RALGPS1: variants seen among roughly 807,000 people sequenced by gnomAD.
The protein encoded by RALGPS1 is ras-specific guanine nucleotide-releasing factor RalGPS1.
Under a neutral mutation model 78.8 loss-of-function variants are expected in RALGPS1, and 19 were observed. The observed-to-expected ratio is 0.24, with a 90% CI of 0.17 to 0.35. The LOEUF is 0.35. Ranked by LOEUF, RALGPS1 falls within the 10% of genes least tolerant of loss-of-function variation. The pLI, the probability that RALGPS1 is intolerant of heterozygous loss-of-function variation, is 1.00. For missense variants in RALGPS1, 454 were observed against 688.3 expected, an observed-to-expected ratio of 0.66 and a Z score of 3.81; for synonymous variants, 228 against 256.3, an observed-to-expected ratio of 0.89 and a Z score of 1.06.
At chr9:127,074,458 T>C (rs1053073939) in intron 8 of RALGPS1, among the ~76,000 whole-genome samples, 1 of 152,208 alleles carries the variant, frequency 6.6e-6, no homozygotes, top group African/African-American at 2.4e-5. Flanking sequence ...GGCATGTTGC[T>C]GTGCAGAGCT....
chr9:126,944,381 A>G (rs1169146358), intron 1 of RALGPS1, among the ~76,000 whole-genome samples: 1 of 151,086 alleles, frequency 6.6e-6, no homozygotes, highest in African/African-American at 2.4e-5. Context: ...AGGGAGGGAA[A>G]AGGAGGTCAA....
chr9:126,918,147 A>C (rs949673760), intron 1 of RALGPS1, among the ~76,000 whole-genome samples: 2 of 152,206 alleles, frequency 1.3e-5, no homozygotes, highest in African/African-American at 4.8e-5. Flanking sequence ...TTATTGCACA[A>C]AAATATTGTA....
At chr9:127,206,672 A>G (rs1013582156) in intron 14 of RALGPS1, among the ~76,000 whole-genome samples, 6 of 152,102 alleles carry the variant, frequency 3.9e-5, no homozygotes, top group African/African-American at 1.4e-4. Flanking sequence ...TACTTCTACT[A>G]AGACCAAGAT....
Position 127,205,034 on chromosome 9 carries a change from G to A in RALGPS1, c.1247+5968G>A, listed in dbSNP as rs539402984. Among the ~76,000 whole-genome samples the A allele has an allele frequency of 2.6e-5, 4 of 152,326 alleles. No homozygotes were observed. Among genetic ancestry groups the A allele is most frequent in the South Asian group, 4.1e-4 (2 of 4,824 alleles). On this transcript the variant is annotated intron_variant, in intron 14 of 18. Transcript: ENST00000259351. This position sits in a 1 kb window ranked among gnomAD's most constrained non-coding sequence, Gnocchi z 4.0. ...AGTGGCCATTCTCAGGGTGACTACCGCAGAGGACCTCACTGTCCCCCACAC... is the reference window on the plus strand; with the variant it reads ...AGTGGCCATTCTCAGGGTGACTACCACAGAGGACCTCACTGTCCCCCACAC...
chr9:127,156,270 A>C (rs916432472), intron 8 of RALGPS1, among the ~76,000 whole-genome samples: 49 of 152,216 alleles, frequency 3.2e-4, no homozygotes, highest in African/African-American at 7.2e-4. Flanking sequence ...TTGTAGTAGT[A>C]TTGCTGCAAT....
At chr9:127,119,839 G>A (rs2055858424) in intron 8 of RALGPS1, among the ~76,000 whole-genome samples, 1 of 152,218 alleles carries the variant, frequency 6.6e-6, no homozygotes. Context: ...AAGTCAGTCA[G>A]AGCCTCTGCT....
In RALGPS1 at chr9:127,183,288, TC is replaced by T. The variant is rs1201592287; in HGVS notation, c.910+8508del. 6.6e-6 allele frequency among the ~76,000 whole-genome samples: 1 copy of T among 152,186 alleles called. No homozygotes were observed. The highest frequency in any genetic ancestry group is 1.5e-5 in the Non-Finnish European group (1 of 68,030). On this transcript the variant is annotated intron_variant, in intron 11 of 18. Transcript: ENST00000259351. The surrounding 1 kb of genome is among the most constrained non-coding windows in gnomAD (Gnocchi z 4.0). ...GCTGATGCTTCTTCTCCCAGGCACTTCCGTGGGTATTTCAGAGATTCCACAA... is the reference window on the plus strand; with the variant it reads ...GCTGATGCTTCTTCTCCCAGGCACTTCGTGGGTATTTCAGAGATTCCACAA...
At chr9:127,200,114 CCT>C (rs2061555894) in intron 14 of RALGPS1, among the ~76,000 whole-genome samples, 1 of 152,022 alleles carries the variant, frequency 6.6e-6, no homozygotes, top group African/African-American at 2.4e-5. Flanking sequence ...ATGCATGTAC[CCT>C]CTCACACATT....
chr9:127,167,591 C>A (rs1227819873), intron 9 of RALGPS1, among the ~76,000 whole-genome samples: 3 of 152,198 alleles, frequency 2.0e-5, no homozygotes, highest in Non-Finnish European at 4.4e-5. Context: ...TGCTCTCTTA[C>A]CACTGTTCAC....
At chr9:127,128,359 G>T (rs553685979) in intron 8 of RALGPS1, among the ~76,000 whole-genome samples, 6 of 152,372 alleles carry the variant, frequency 3.9e-5, no homozygotes, top group African/African-American at 1.4e-4. Flanking sequence ...GACCAATCAA[G>T]ATGCTTCTCA....
At position 127,091,880 on chromosome 9, in the gene RALGPS1, T is replaced by TC; in HGVS notation, c.610+22525dup. On this transcript the variant is annotated intron_variant, in intron 8 of 18. Transcript: ENST00000259351. This position sits in a 1 kb window ranked among gnomAD's most constrained non-coding sequence, Gnocchi z 4.3. ...AGGAGTTTGTAGTTGCCTTGGTTCG[T>TC]CAGCCAGTAAATGTTCTCCAGGCCC... 1 of 1,614,030 alleles carries TC rather than the reference T, an allele frequency of 6.2e-7. No homozygotes were observed. The highest frequency in any genetic ancestry group is 8.5e-7 in the Non-Finnish European group (1 of 1,180,006).
At chr9:127,132,283 G>A (rs1308254654) in intron 8 of RALGPS1, among the ~76,000 whole-genome samples, 3 of 152,054 alleles carry the variant, frequency 2.0e-5, no homozygotes, top group African/African-American at 4.8e-5. Flanking sequence ...TCATTAACAC[G>A]TCCCTGATTT....
At chr9:127,163,335 G>A (rs1274724422) in intron 8 of RALGPS1, among the ~76,000 whole-genome samples, 1 of 152,126 alleles carries the variant, frequency 6.6e-6, no homozygotes, top group Admixed American at 6.5e-5. Context: ...CTAAAACTGA[G>A]TTACATTTTT....
At chr9:126,973,212 T>G (rs1273233374) in intron 3 of RALGPS1, among the ~76,000 whole-genome samples, 1 of 149,840 alleles carries the variant, frequency 6.7e-6, no homozygotes, top group Admixed American at 6.6e-5. Context: ...TACAAAAAAT[T>G]AAAAAGTTAG....
Position 127,183,754 on chromosome 9 carries a change from C to A in RALGPS1, c.910+8972C>A. On this transcript the variant is annotated intron_variant, in intron 11 of 18. Coordinates refer to ENST00000259351, the MANE Select transcript of RALGPS1 (RefSeq NM_014636.3). The surrounding 1 kb of genome is among the most constrained non-coding windows in gnomAD (Gnocchi z 4.0). Reference sequence around the variant, plus strand: ...CTCTCTGGAAACATACTCTCTCTGCCCGTTTATATTTTCGGAATGGATGGG... The same window carrying A: ...CTCTCTGGAAACATACTCTCTCTGCACGTTTATATTTTCGGAATGGATGGG... 1 of 871,410 alleles carries A rather than the reference C, an allele frequency of 1.1e-6. No individual in the cohort carries two copies. Among genetic ancestry groups the A allele is most frequent in the Non-Finnish European group, 1.7e-6 (1 of 577,122 alleles). 54.0% of individuals were successfully genotyped at this position (871,410 alleles called of 1,614,324 possible). A position where few individuals can be genotyped will look rare whatever the true frequency, so the allele number is the denominator to read the frequency against.
At chr9:127,196,716 A>T in intron 13 of RALGPS1, 85 bp downstream of exon 13, 2 of 1,421,492 alleles carry the variant, frequency 1.4e-6, no homozygotes, top group Non-Finnish European at 1.9e-6. Flanking sequence ...TCACTGTGCC[A>T]TGCCCAGTGG....
At position 127,205,193 on chromosome 9, in the gene RALGPS1, C is replaced by T. The variant is rs920797650; in HGVS notation, c.1247+6127C>T. Among the ~76,000 whole-genome samples, 17 of 152,240 alleles carry T rather than the reference C, an allele frequency of 1.1e-4. No individual in the cohort carries two copies. Among genetic ancestry groups the T allele is most frequent in the Admixed American group, 2.0e-4 (3 of 15,288 alleles). Reference sequence around the variant, plus strand: ...ATCTCTCCTGCATGAGACTCAGAGACACTGAGCCCTGGGCCATCTGTCCCA... The same window carrying T: ...ATCTCTCCTGCATGAGACTCAGAGATACTGAGCCCTGGGCCATCTGTCCCA... On this transcript the variant is annotated intron_variant, in intron 14 of 18. Coordinates refer to ENST00000259351, the MANE Select transcript of RALGPS1 (RefSeq NM_014636.3). This position sits in a 1 kb window ranked among gnomAD's most constrained non-coding sequence, Gnocchi z 4.0.
chr9:127,069,425 T>C lies in RALGPS1; in HGVS notation c.610+69T>C, dbSNP rs769362708. ...GGTGCCAAATAAGATGTTTTTACAG[T>C]TTCTACCTGAAAAATTTCCAGGAAG... On this transcript the variant is annotated intron_variant, in intron 8 of 18. Coordinates refer to ENST00000259351, the MANE Select transcript of RALGPS1 (RefSeq NM_014636.3). 185 of 1,562,880 alleles carry C rather than the reference T, an allele frequency of 1.2e-4. 1 individual carries two copies. Among genetic ancestry groups the C allele is most frequent in the Admixed American group, 1.5e-4 (8 of 52,800 alleles).
chr9:127,022,160 A>G (rs1480122799), intron 4 of RALGPS1, among the ~76,000 whole-genome samples: 2 of 152,096 alleles, frequency 1.3e-5, no homozygotes, highest in Non-Finnish European at 2.9e-5. Context: ...ATTTTTCCAC[A>G]GTGATCCTTT....
Sources: gnomAD v4.1 joint callset for allele counts (sites outside exome capture counted in the v4.1 genomes callset) on GRCh38, gnomAD v4.1.1 for gene constraint, Gnocchi (gnomAD v3.1) non-coding constraint, MANE v1.5 for transcripts, NCBI Gene and HGNC (gene_info 2026-07-23, HGNC 2026-07-21) for gene names.